The following DLG1 variants were observed in gnomAD, a reference collection of about 807,000 sequenced individuals.
The protein encoded by DLG1 is discs large MAGUK scaffold protein 1, also known as disks large homolog 1.
In DLG1, 42 loss-of-function variants were observed where a neutral mutation model predicts 123.4. That is an observed-to-expected ratio of 0.34 (90% CI 0.27 to 0.44). DLG1 has a LOEUF of 0.44. DLG1 is among the 20% of genes least tolerant of loss of function. DLG1 has a pLI of 1.00. For missense variants in DLG1, 942 were observed against 1,082.6 expected (o/e 0.87, Z 1.82); for synonymous variants, 317 against 356.2 (o/e 0.89, Z 1.24).
intron 5 of DLG1, among the ~76,000 whole-genome samples, chr3:197,157,883 A>G (rs1360680986): frequency 6.6e-6 from 1 of 152,234 alleles, no homozygotes; most frequent in East Asian, 1.9e-4. Context: ...AATAAATGCC[A>G]TATACAATTA....
intron 24 of DLG1, among the ~76,000 whole-genome samples, chr3:197,049,412 C>T (rs1359888075): frequency 6.6e-6 from 1 of 152,216 alleles, no homozygotes; most frequent in Admixed American, 6.5e-5. Context: ...ATGTTCACTG[C>T]AACATAATCA....
At chr3:197,242,316 G>T (rs990278775) in intron 4 of DLG1, among the ~76,000 whole-genome samples, 1 of 151,988 alleles carries the variant, frequency 6.6e-6, no homozygotes, top group African/African-American at 2.4e-5. Context: ...CATCCAAGGG[G>T]ATAGACTGCA....
intron 11 of DLG1, among the ~76,000 whole-genome samples, chr3:197,129,717 G>A (rs1781538945): frequency 1.3e-5 from 2 of 152,248 alleles, no homozygotes; most frequent in South Asian, 4.1e-4. Flanking sequence ...GCACTCAGAG[G>A]TCATTGTAGA....
intron 4 of DLG1, among the ~76,000 whole-genome samples, chr3:197,244,116 T>C (rs1369987350): frequency 2.0e-5 from 3 of 152,208 alleles, no homozygotes; most frequent in Non-Finnish European, 4.4e-5. Context: ...TGCATCCCTT[T>C]AGGTCTCCAA....
chr3:197,245,098 T>C (rs941423897), intron 4 of DLG1, among the ~76,000 whole-genome samples: 1 of 152,164 alleles, frequency 6.6e-6, no homozygotes, highest in Non-Finnish European at 1.5e-5. Context: ...CTAATTTGGT[T>C]AGATGGCTTT....
intron 9 of DLG1, among the ~76,000 whole-genome samples, chr3:197,137,864 T>TC (rs1039348538): frequency 2.0e-5 from 3 of 151,172 alleles, no homozygotes; most frequent in African/African-American, 7.3e-5. Flanking sequence ...CCAAGCTACT[T>TC]GGGAGGGTGA....
In DLG1 at chr3:197,145,975, C is replaced by A. The variant is rs566762213; in HGVS notation, c.538-3207G>T. Among the ~76,000 whole-genome samples the A allele has an allele frequency of 1.7e-4, 26 of 151,506 alleles. No homozygotes were observed. The East Asian group carries it at 3.7e-3, about 21-fold the overall frequency. ...ACTGTACTCCAACCTGGGCAACAAA[C>A]AGAGTGAGACACTGTCTCAAATAAA... On this transcript the variant is annotated intron_variant, in intron 6 of 24. Coordinates refer to ENST00000667157, the MANE Select transcript of DLG1 (RefSeq NM_001366207.1).
chr3:197,164,120 A>G (rs974153004), intron 5 of DLG1, among the ~76,000 whole-genome samples: 33 of 151,966 alleles, frequency 2.2e-4, no homozygotes, highest in Admixed American at 1.0e-3. Flanking sequence ...GGCCAGGCAC[A>G]GTGGTTCACA....
chr3:197,182,254 T>C (rs1030629380), intron 5 of DLG1, among the ~76,000 whole-genome samples: 11 of 152,196 alleles, frequency 7.2e-5, no homozygotes, highest in African/African-American at 2.7e-4. Context: ...GTGATATATG[T>C]AATTGCAGTC....
At chr3:197,272,224 C>G (rs1001035261) in intron 4 of DLG1, among the ~76,000 whole-genome samples, 1 of 152,064 alleles carries the variant, frequency 6.6e-6, no homozygotes, top group Non-Finnish European at 1.5e-5. Context: ...CAGTGGCTCA[C>G]GCCTATAAAC....
At chr3:197,069,783 T>C (rs561063501) in intron 18 of DLG1, 6 of 152,370 alleles carry the variant, frequency 3.9e-5, no homozygotes, top group African/African-American at 1.4e-4. Context: ...TAAAGGATTG[T>C]AAAGGTCATA....
chr3:197,257,288 TAAAC>T (rs1757305454), intron 4 of DLG1, among the ~76,000 whole-genome samples: 1 of 152,104 alleles, frequency 6.6e-6, no homozygotes, highest in South Asian at 2.1e-4. Flanking sequence ...CCCAAACTGA[TAAAC>T]CAAAACAATT....
intron 5 of DLG1, among the ~76,000 whole-genome samples, chr3:197,194,160 T>A (rs1005374855): frequency 2.0e-5 from 3 of 152,166 alleles, no homozygotes; most frequent in Admixed American, 6.5e-5. Flanking sequence ...TGTGTGGTAT[T>A]TGAAATTTAA....
intron 11 of DLG1, among the ~76,000 whole-genome samples, chr3:197,121,023 A>AT (rs1776080721): frequency 1.3e-5 from 2 of 152,148 alleles, no homozygotes; most frequent in African/African-American, 4.8e-5. Context: ...GAGTTTACTG[A>AT]TTTTTGACTC....
At chr3:197,094,781 A>C (rs1408347744) in intron 14 of DLG1, among the ~76,000 whole-genome samples, 4 of 152,094 alleles carry the variant, frequency 2.6e-5, no homozygotes, top group African/African-American at 4.8e-5. Context: ...TCCAGTTTTT[A>C]TATGTGAAAG....
chr3:197,291,910 G>A (rs1308125504), intron 3 of DLG1, among the ~76,000 whole-genome samples: 1 of 152,120 alleles, frequency 6.6e-6, no homozygotes, highest in African/African-American at 2.4e-5. Context: ...ACTTGAAGAG[G>A]AGTCATATAC....
chr3:197,124,625 C>T (rs1778102531), intron 11 of DLG1, among the ~76,000 whole-genome samples: 1 of 151,990 alleles, frequency 6.6e-6, no homozygotes, highest in Admixed American at 6.5e-5. Flanking sequence ...AGTGCAGTGG[C>T]CAGACACAGG....
chr3:197,057,050 G>A (rs888331343), intron 23 of DLG1, among the ~76,000 whole-genome samples: 1 of 151,746 alleles, frequency 6.6e-6, no homozygotes, highest in Non-Finnish European at 1.5e-5. Context: ...GATAGTATTT[G>A]GGTAGTTTCT....
chr3:197,159,209 A>G (rs140849719), intron 5 of DLG1, among the ~76,000 whole-genome samples: 11 of 152,338 alleles, frequency 7.2e-5, no homozygotes, highest in Non-Finnish European at 1.3e-4. Flanking sequence ...TATTACCTTT[A>G]TCTGTGCCAC....
Sources: allele counts gnomAD v4.1 joint callset (sites outside exome capture counted in the v4.1 genomes callset), GRCh38; gene constraint gnomAD v4.1.1; transcripts MANE v1.5; gene names NCBI Gene and HGNC (gene_info 2026-07-23, HGNC 2026-07-21).